DHX9: variants seen among roughly 807,000 people sequenced by gnomAD.
DHX9 encodes ATP-dependent RNA helicase A.
A neutral mutation model predicts 148.7 loss-of-function variants in DHX9; 27 were observed. The ratio of observed to expected loss-of-function variants is 0.18; its 90% CI spans 0.13 to 0.25. The LOEUF (loss-of-function observed/expected upper bound fraction) is 0.25. Among genes scored for constraint, DHX9 ranks in the 10% least tolerant of loss-of-function variants. DHX9 has a pLI of 1.00. For synonymous variants in DHX9, 529 were observed against 516.6 expected, an observed-to-expected ratio of 1.02 and a Z score of -0.33; for missense variants, 796 against 1,559.6, an observed-to-expected ratio of 0.51 and a Z score of 8.25.
At chr1:182,883,489 C>A (rs1649179398) in intron 25 of DHX9, 31 bp from the exon 26 acceptor site, 1 of 1,598,024 alleles carries the variant, frequency 6.3e-7, no homozygotes. Context: ...GAATGTCAAC[C>A]ATTTTGTATT....
chr1:182,858,858 GA>G lies in DHX9; in HGVS notation c.1027del (p.Thr343LeufsTer18), dbSNP rs1668303515. On this transcript the variant is annotated frameshift_variant, in exon 10 of 28. Coordinates refer to ENST00000367549, the MANE Select transcript of DHX9 (RefSeq NM_001357.5). LOFTEE classifies it high-confidence loss of function. ...SPPQSNWNPW[T>X]SSNIDEGPLA... ...CTCCACAATCCAACTGGAATCCTTG[GA>G]CTAGTAGCAACATTGATGAGGGGCC... 1 of 1,614,026 alleles carries G rather than the reference GA, an allele frequency of 6.2e-7. No homozygotes were observed. The highest frequency in any genetic ancestry group is 1.3e-5 in the African/African-American group (1 of 74,914).
chr1:182,887,150 G>C lies in DHX9; in HGVS notation c.3529G>C (p.Gly1177Arg). 1.9e-6 allele frequency: 3 copies of C among 1,614,220 alleles called. No homozygotes were observed. The highest frequency in any genetic ancestry group is 2.5e-6 in the Non-Finnish European group (3 of 1,180,034). Reference protein sequence around the residue: ...YDNGSGYRRGGSSYSGGGYGG... With the variant: ...YDNGSGYRRGRSSYSGGGYGG... The stretch of plus-strand genomic sequence containing the variant: ...CAATGGAAGCGGATATAGAAGGGGA[G>C]GTTCTAGTTACAGTGGTGGAGGCTA... The change falls in exon 28 of 28, where the codon GGT (glycine) becomes CGT (arginine). Residue 1177 changes from glycine to arginine, a missense_variant. Coordinates refer to ENST00000367549, the MANE Select transcript of DHX9 (RefSeq NM_001357.5).
At chr1:182,879,749 G>A (rs534838247) in intron 21 of DHX9, among the ~76,000 whole-genome samples, 10 of 151,914 alleles carry the variant, frequency 6.6e-5, no homozygotes, top group East Asian at 1.9e-4. Context: ...TTTTTGAGAC[G>A]GAATCTCGCT....
intron 14 of DHX9, among the ~76,000 whole-genome samples, chr1:182,871,144 G>A (rs1051029713): frequency 4.6e-5 from 7 of 152,114 alleles, no homozygotes; most frequent in Non-Finnish European, 7.4e-5. Flanking sequence ...CAAGCTCAAA[G>A]ATTCCAATAT....
At chr1:182,860,259 G>A in intron 12 of DHX9, 75 bp downstream of exon 12, 1 of 1,235,850 alleles carries the variant, frequency 8.1e-7, no homozygotes, top group South Asian at 1.8e-5. Flanking sequence ...ACTAATTTTT[G>A]TAATTATTTA....
chr1:182,874,807 A>G lies in DHX9; in HGVS notation c.1715-47A>G, dbSNP rs763112932. The G allele has an allele frequency of 5.1e-6, 7 of 1,381,440 alleles. No homozygotes were observed. In the South Asian group the frequency reaches 8.2e-5, roughly 16 times the overall value. The allele number at this position is 1,381,440 out of a possible 1,614,324, so 85.6% of individuals were successfully genotyped here. On this transcript the variant is annotated intron_variant, in intron 15 of 27. Coordinates refer to ENST00000367549, the MANE Select transcript of DHX9 (RefSeq NM_001357.5). ...TAGCAAATGAATTTAGGTCTGCTCCATTGTGAAAGTTGATAGTACTTAACC... is the reference window on the plus strand; with the variant it reads ...TAGCAAATGAATTTAGGTCTGCTCCGTTGTGAAAGTTGATAGTACTTAACC...
intron 18 of DHX9, 107 bp from the exon 19 acceptor site, chr1:182,876,723 T>C: frequency 1.0e-6 from 1 of 957,452 alleles, no homozygotes; most frequent in South Asian, 1.6e-5. Flanking sequence ...GTGATCTTTT[T>C]AGGACTTCTG....
At chr1:182,841,453 GTTGT>G in intron 1 of DHX9, among the ~76,000 whole-genome samples, 1 of 152,212 alleles carries the variant, frequency 6.6e-6, no homozygotes, top group Non-Finnish European at 1.5e-5. Context: ...ATGAGGGCTT[GTTGT>G]TTAATTATTC....
At position 182,883,523 on chromosome 1, in the gene DHX9, C is replaced by T. The variant is rs1438628800; in HGVS notation, c.3148C>T (p.Arg1050Ter). ...SPFFVFGEKI[R>*]TRAISAKGMT... The stretch of plus-strand genomic sequence containing the variant: ...TTGTCTCTTTCTCCATTTGCAGATT[C>T]GAACTCGAGCCATCTCTGCTAAAGG... The change falls in exon 26 of 28, where the codon CGA becomes TGA. Residue 1050 changes from arginine (R) to a stop codon, truncating the protein, a stop_gained. Coordinates refer to ENST00000367549, the MANE Select transcript of DHX9 (RefSeq NM_001357.5). LOFTEE classifies it high-confidence loss of function. 1.2e-6 allele frequency: 2 copies of T among 1,612,966 alleles called. No homozygotes were observed. The highest frequency in any genetic ancestry group is 1.7e-6 in the Non-Finnish European group (2 of 1,179,460).
At chr1:182,859,934 G>A in intron 11 of DHX9, 59 bp from the exon 12 acceptor site, 1 of 1,530,854 alleles carries the variant, frequency 6.5e-7, no homozygotes, top group Non-Finnish European at 8.9e-7. Flanking sequence ...AAAGGATCAA[G>A]ACAGTTGCTT....
intron 14 of DHX9, among the ~76,000 whole-genome samples, chr1:182,870,316 T>C (rs985609237): frequency 6.6e-6 from 1 of 152,246 alleles, no homozygotes; most frequent in Non-Finnish European, 1.5e-5. Context: ...GAGGTGATTA[T>C]AAATACTTAA....
chr1:182,860,879 T>C (rs1016133599), intron 12 of DHX9, among the ~76,000 whole-genome samples: 6 of 152,236 alleles, frequency 3.9e-5, no homozygotes, highest in African/African-American at 7.2e-5. Flanking sequence ...GGCTCTACCC[T>C]GTACTTCTGG....
At chr1:182,855,440 C>T in intron 6 of DHX9, 1 of 532,028 alleles carries the variant, frequency 1.9e-6, no homozygotes, top group Non-Finnish European at 2.4e-6. Context: ...CTTTGTATGT[C>T]CTTTTATTTA....
chr1:182,857,072 C>T (rs1668264871), intron 7 of DHX9, among the ~76,000 whole-genome samples: 1 of 152,158 alleles, frequency 6.6e-6, no homozygotes, highest in South Asian at 2.1e-4. Flanking sequence ...TGGTCTCTAT[C>T]TCCTGACCTA....
At position 182,868,380 on chromosome 1, in the gene DHX9, A is replaced by G. The variant is rs538671387; in HGVS notation, c.1557+1337A>G. Among the ~76,000 whole-genome samples, 493 of 152,308 alleles carry G rather than the reference A, an allele frequency of 3.2e-3. 2 individuals are homozygous for G. The highest frequency in any genetic ancestry group is 5.3e-3 in the Non-Finnish European group (360 of 68,026). On this transcript the variant is annotated intron_variant, in intron 14 of 27. Transcript: ENST00000367549. ...TTGGGAATTTCCAAATTTCAAGCAT[A>G]ACAGTCAAAAAAAAATTTAACTGTT...
rs1649085424 is a variant in DHX9 at position 182,881,534 on chromosome 1, A to C, written c.2801A>C (p.Glu934Ala). Reference sequence around the variant, plus strand: ...ATTTATTTTAGAATGGGTGGAGAAGAAGCAGAGATACGTTTTTGTGAGCAC... The same window carrying C: ...ATTTATTTTAGAATGGGTGGAGAAGCAGCAGAGATACGTTTTTGTGAGCAC... The part of the protein sequence containing the change: ...AWDDARMGGE[E>A]AEIRFCEHKR... Residue 934 changes from glutamate (E) to alanine (A), a missense_variant, in exon 24 of 28, where the codon GAA becomes GCA. Physicochemically the swap from Glu to Ala is moderately radical, Grantham distance 107. This residue lies in a region of DHX9 where 122 missense variants were observed against 289.3 expected (regional missense o/e 0.42). Coordinates refer to ENST00000367549, the MANE Select transcript of DHX9 (RefSeq NM_001357.5). The C allele has an allele frequency of 6.2e-7, 1 of 1,612,250 alleles. No homozygotes were observed. The highest frequency in any genetic ancestry group is 8.5e-7 in the Non-Finnish European group (1 of 1,179,494).
At chr1:182,878,921 TGTC>T (rs1648953111) in intron 20 of DHX9, among the ~76,000 whole-genome samples, 1 of 152,242 alleles carries the variant, frequency 6.6e-6, no homozygotes, top group Non-Finnish European at 1.5e-5. Flanking sequence ...AAAGTCTTGT[TGTC>T]GTTTTTAACC....
At chr1:182,841,221 G>T (rs1258363510) in intron 1 of DHX9, among the ~76,000 whole-genome samples, 1 of 152,116 alleles carries the variant, frequency 6.6e-6, no homozygotes, top group East Asian at 1.9e-4. Flanking sequence ...AACCTGGGAG[G>T]CGGAGGTTGC....
At chr1:182,839,894 TGAA>T (rs1037543174) in intron 1 of DHX9, 1 of 152,064 alleles carries the variant, frequency 6.6e-6, no homozygotes, top group Non-Finnish European at 1.5e-5. Flanking sequence ...GAAAAAAAAT[TGAA>T]GAATGTAAAG....
Sources: gnomAD v4.1 joint callset for allele counts (sites outside exome capture counted in the v4.1 genomes callset) on GRCh38, gnomAD v4.1.1 for gene constraint, gnomAD v4.1.1 regional missense constraint, MANE v1.5 for transcripts, NCBI Gene and HGNC (gene_info 2026-07-23, HGNC 2026-07-21) for gene names.